Variants in ACAP2 observed in about 807,000 individuals in gnomAD.
ACAP2 encodes arf-GAP with coiled-coil, ANK repeat and PH domain-containing protein 2.
Under a neutral mutation model 115.8 loss-of-function variants are expected in ACAP2, and 39 were observed. That is an observed-to-expected ratio of 0.34 (90% CI 0.26 to 0.44). The LOEUF is 0.44. ACAP2 is among the 20% of genes least tolerant of loss of function. The probability of loss-of-function intolerance (pLI) is 1.00; values close to 1 mark genes in which losing one functional copy is unlikely to be tolerated. For synonymous variants in ACAP2, 289 were observed against 315.8 expected, an observed-to-expected ratio of 0.92 and a Z score of 0.90; for missense variants, 662 against 927.6, an observed-to-expected ratio of 0.71 and a Z score of 3.72.
intron 4 of ACAP2, among the ~76,000 whole-genome samples, chr3:195,355,395 A>G (rs191291765): frequency 6.7e-6 from 1 of 148,900 alleles, no homozygotes; most frequent in East Asian, 2.0e-4. Flanking sequence ...ATCTACTGGT[A>G]TCTAAGTCTC....
At chr3:195,288,314 C>T (rs1307586342) in intron 21 of ACAP2, among the ~76,000 whole-genome samples, 1 of 152,132 alleles carries the variant, frequency 6.6e-6, no homozygotes, top group Non-Finnish European at 1.5e-5. Flanking sequence ...CAATATCTTC[C>T]TCAGAGTTGT....
At chr3:195,419,421 G>C (rs1713997443) in intron 1 of ACAP2, 1 of 152,112 alleles carries the variant, frequency 6.6e-6, no homozygotes, top group Non-Finnish European at 1.5e-5. Context: ...TACTGGGGGA[G>C]AAGAAATTTT....
At chr3:195,440,520 ATTAAT>A (rs775872543) in intron 1 of ACAP2, among the ~76,000 whole-genome samples, 1 of 152,240 alleles carries the variant, frequency 6.6e-6, no homozygotes, top group Non-Finnish European at 1.5e-5. Context: ...AAAGACACGT[ATTAAT>A]TTAAAGACAG....
At chr3:195,360,041 T>C (rs1251867523) in intron 4 of ACAP2, among the ~76,000 whole-genome samples, 1 of 152,064 alleles carries the variant, frequency 6.6e-6, no homozygotes, top group Non-Finnish European at 1.5e-5. Flanking sequence ...ATCCATAACA[T>C]TGAATGTAAA....
intron 4 of ACAP2, among the ~76,000 whole-genome samples, chr3:195,369,287 T>G (rs963305747): frequency 3.9e-5 from 6 of 152,352 alleles, no homozygotes; most frequent in Admixed American, 3.3e-4. Context: ...GCTTTTATTT[T>G]AGGTTCAGTG....
At chr3:195,416,558 A>G (rs1577447425) in intron 1 of ACAP2, among the ~76,000 whole-genome samples, 1 of 152,066 alleles carries the variant, frequency 6.6e-6, no homozygotes, top group African/African-American at 2.4e-5. Context: ...CATACCCTTC[A>G]ACTTGGTAGT....
chr3:195,423,144 T>C (rs532953966), intron 1 of ACAP2, among the ~76,000 whole-genome samples: 1 of 152,216 alleles, frequency 6.6e-6, no homozygotes, highest in South Asian at 2.1e-4. Flanking sequence ...AGGTCAAACT[T>C]TCAAATGATT....
intron 8 of ACAP2, among the ~76,000 whole-genome samples, chr3:195,328,650 G>A (rs1396868376): frequency 1.3e-5 from 2 of 152,196 alleles, no homozygotes; most frequent in Admixed American, 1.3e-4. Flanking sequence ...AGTGGCATAT[G>A]AATATTACTC....
At chr3:195,420,806 C>T (rs932749952) in intron 1 of ACAP2, among the ~76,000 whole-genome samples, 2 of 152,002 alleles carry the variant, frequency 1.3e-5, no homozygotes, top group African/African-American at 4.8e-5. Context: ...CCATGCCCAG[C>T]TAATTTTTTG....
chr3:195,417,922 C>CA lies in ACAP2; in HGVS notation c.53+24872dup, dbSNP rs1713876634. Among the ~76,000 whole-genome samples the CA allele has an allele frequency of 2.0e-5, 3 of 151,102 alleles. 1 individual carries two copies. Among genetic ancestry groups the CA allele is most frequent in the Admixed American group, 6.6e-5 (1 of 15,134 alleles). On this transcript the variant is annotated intron_variant, in intron 1 of 22. Transcript: ENST00000326793. ...CACAATCACACCCCAGCCTGGGTGACAGAGGGAGATCCTGTCTCAAAAAAA... is the reference window on the plus strand; with the variant it reads ...CACAATCACACCCCAGCCTGGGTGACAAGAGGGAGATCCTGTCTCAAAAAAA...
At chr3:195,370,597 G>T (rs1446971351) in intron 4 of ACAP2, among the ~76,000 whole-genome samples, 1 of 152,094 alleles carries the variant, frequency 6.6e-6, no homozygotes, top group Non-Finnish European at 1.5e-5. Context: ...TGTTCCACTG[G>T]TCTGTGTCTG....
chr3:195,308,286 A>AT (rs1390810492), intron 11 of ACAP2, among the ~76,000 whole-genome samples: 4 of 152,212 alleles, frequency 2.6e-5, no homozygotes, highest in Admixed American at 2.0e-4. Flanking sequence ...GTGCTATGGA[A>AT]TGGCAGTGTT....
chr3:195,424,283 A>T (rs376975554), intron 1 of ACAP2, among the ~76,000 whole-genome samples: 69 of 54,108 alleles, frequency 1.3e-3, no homozygotes, highest in Non-Finnish European at 1.5e-3. Context: ...ATATATATAT[A>T]TTTTTTTTTT....
intron 1 of ACAP2, among the ~76,000 whole-genome samples, chr3:195,392,953 G>A (rs1486883947): frequency 1.3e-5 from 2 of 152,144 alleles, no homozygotes; most frequent in Non-Finnish European, 2.9e-5. Flanking sequence ...TCTCAAGTAG[G>A]TATTTTAAGA....
intron 4 of ACAP2, among the ~76,000 whole-genome samples, chr3:195,351,464 G>A (rs1731592821): frequency 6.8e-6 from 1 of 146,904 alleles, no homozygotes; most frequent in Non-Finnish European, 1.5e-5. Flanking sequence ...GTGTGTGTGT[G>A]TGTGTGTGTG....
Position 195,303,227 on chromosome 3 carries a change from G to T in ACAP2, c.1117-1053C>A, listed in dbSNP as rs559863855. ...GACAGAGTGAGACTCCGTCATATGA[G>T]CGTAAATACATACATACATACAAAC... On this transcript the variant is annotated intron_variant, in intron 13 of 22. Transcript: ENST00000326793. Among the ~76,000 whole-genome samples, 25 of 149,614 alleles carry T rather than the reference G, an allele frequency of 1.7e-4. 1 individual carries two copies. In the Middle Eastern group the frequency reaches 0.022, roughly 131 times the overall value.
chr3:195,390,761 TTTATAA>T (rs1262488689), intron 2 of ACAP2, among the ~76,000 whole-genome samples: 8 of 152,204 alleles, frequency 5.3e-5, no homozygotes, highest in Admixed American at 3.3e-4. Flanking sequence ...AGCAATGCCA[TTTATAA>T]TTATAATTAT....
At chr3:195,367,883 C>G (rs1489453432) in intron 4 of ACAP2, among the ~76,000 whole-genome samples, 1 of 152,208 alleles carries the variant, frequency 6.6e-6, no homozygotes, top group Admixed American at 6.5e-5. Flanking sequence ...ACAGTCAAGC[C>G]ACCCAGCCAG....
chr3:195,421,681 G>A (rs1714205106), intron 1 of ACAP2, among the ~76,000 whole-genome samples: 1 of 152,190 alleles, frequency 6.6e-6, no homozygotes, highest in African/African-American at 2.4e-5. Flanking sequence ...GTGGTGGTTT[G>A]AATTAAACAG....
Sources: gnomAD v4.1 joint callset for allele counts (sites outside exome capture counted in the v4.1 genomes callset) on GRCh38, gnomAD v4.1.1 for gene constraint, MANE v1.5 for transcripts, NCBI Gene and HGNC (gene_info 2026-07-23, HGNC 2026-07-21) for gene names.